CEMIP2: variants seen among roughly 807,000 people sequenced by gnomAD.
CEMIP2 encodes the protein cell migration inducing hyaluronidase 2, also known as cell surface hyaluronidase CEMIP2.
Under a neutral mutation model 146.9 loss-of-function variants are expected in CEMIP2, and 79 were observed. That is an observed-to-expected ratio of 0.54 (90% confidence interval 0.45 to 0.65). The LOEUF is 0.65. Among genes scored for constraint, CEMIP2 ranks in the 30% least tolerant of loss-of-function variants. The pLI, the probability that CEMIP2 is intolerant of heterozygous loss-of-function variation, is 0.00. For missense variants in CEMIP2, 1,596 were observed against 1,696.2 expected (o/e 0.94, Z 1.04); for synonymous variants, 601 against 606.3 (o/e 0.99, Z 0.13).
chr9:71,719,288 C>T (rs1168909571), intron 12 of CEMIP2, among the ~76,000 whole-genome samples: 3 of 152,062 alleles, frequency 2.0e-5, no homozygotes, highest in South Asian at 4.1e-4. Flanking sequence ...AGGCAGCTAT[C>T]GAGAGAAAAT....
In CEMIP2 at chr9:71,683,548, AC is replaced by A. The variant is rs1202163435; in HGVS notation, c.*1648del. Reference sequence around the variant, plus strand: ...CACACACACACACACACACACACACACACTCTAATGACCTTCAGGAACCATA... The same window carrying A: ...CACACACACACACACACACACACACAACTCTAATGACCTTCAGGAACCATA... On this transcript the variant is annotated 3_prime_UTR_variant, in exon 24 of 24. Transcript: ENST00000377044. 223 of 72,116 alleles carry A rather than the reference AC, an allele frequency of 3.1e-3. 3 individuals are homozygous for A. The highest frequency in any genetic ancestry group is 0.014 in the African/African-American group (204 of 14,706). 4.5% of individuals were successfully genotyped at this position (72,116 alleles called of 1,614,324 possible).
At chr9:71,728,249 A>ACG (rs1352816848) in intron 10 of CEMIP2, among the ~76,000 whole-genome samples, 10 of 40,180 alleles carry the variant, frequency 2.5e-4, no homozygotes, top group South Asian at 2.0e-3. Context: ...ATATATATAT[A>ACG]TGTATATACA....
At chr9:71,697,822 G>T in intron 20 of CEMIP2, 163 bp downstream of exon 20, 2 of 631,462 alleles carry the variant, frequency 3.2e-6, no homozygotes, top group Non-Finnish European at 5.4e-6. Context: ...GAACTAGTTT[G>T]CTTCTTACGC....
At chr9:71,755,708 G>A (rs965312062) in intron 1 of CEMIP2, among the ~76,000 whole-genome samples, 1 of 151,916 alleles carries the variant, frequency 6.6e-6, no homozygotes, top group African/African-American at 2.4e-5. Flanking sequence ...TGTAATCCCA[G>A]CACTTTGAGA....
Position 71,684,984 on chromosome 9 carries a change from T to C in CEMIP2, c.*213A>G, listed in dbSNP as rs1345804391. On this transcript the variant is annotated 3_prime_UTR_variant, in exon 24 of 24. Transcript: ENST00000377044. ...ATCTGCTCTCTGAATACACCAGCCT[T>C]ACAAATACAAACAACGTCTTTAACA... 1 of 491,744 alleles carries C rather than the reference T, an allele frequency of 2.0e-6. No individual in the cohort carries two copies. 30.5% of individuals were successfully genotyped at this position (491,744 alleles called of 1,614,324 possible).
intron 9 of CEMIP2, 63 bp downstream of exon 9, chr9:71,729,985 A>G (rs745528116): frequency 2.5e-6 from 4 of 1,613,048 alleles, no homozygotes; most frequent in Non-Finnish European, 3.4e-6. Flanking sequence ...ACTTCCCCCA[A>G]AACCTCTTCC....
chr9:71,697,345 T>C (rs1822431385), intron 20 of CEMIP2, among the ~76,000 whole-genome samples: 1 of 152,226 alleles, frequency 6.6e-6, no homozygotes, highest in Non-Finnish European at 1.5e-5. Context: ...CCAATTTTAG[T>C]TCATATTTTG....
At chr9:71,737,041 A>C (rs1471117109) in intron 5 of CEMIP2, among the ~76,000 whole-genome samples, 2 of 150,846 alleles carry the variant, frequency 1.3e-5, no homozygotes, top group Non-Finnish European at 3.0e-5. Context: ...GTGGTGGTGC[A>C]TGCCTGTACT....
intron 12 of CEMIP2, among the ~76,000 whole-genome samples, chr9:71,719,842 C>CAAACAAAAAAA (rs1823181223): frequency 1.1e-5 from 1 of 93,196 alleles, no homozygotes; most frequent in Non-Finnish European, 2.0e-5. Flanking sequence ...TAAACGAAAG[C>CAAACAAAAAAA]AAAAAAAAAA....
chr9:71,746,059 C>T, intron 3 of CEMIP2, 142 bp downstream of exon 3: 1 of 939,512 alleles, frequency 1.1e-6, no homozygotes, highest in Non-Finnish European at 1.5e-6. Flanking sequence ...ATCTCATGAT[C>T]TTTCCAAATC....
chr9:71,744,478 T>C (rs1328647242), intron 4 of CEMIP2, among the ~76,000 whole-genome samples: 2 of 152,174 alleles, frequency 1.3e-5, no homozygotes, highest in Admixed American at 6.5e-5. Context: ...TCCTTCCTCA[T>C]ATATGCCAGG....
chr9:71,739,938 A>G (rs1006081945), intron 5 of CEMIP2, 125 bp downstream of exon 5: 4 of 909,120 alleles, frequency 4.4e-6, no homozygotes, highest in Non-Finnish European at 6.4e-6. Context: ...CTAAGTTTCA[A>G]CTTCAACTAG....
intron 11 of CEMIP2, among the ~76,000 whole-genome samples, chr9:71,723,514 T>A (rs1167259955): frequency 6.6e-6 from 1 of 152,166 alleles, no homozygotes; most frequent in Non-Finnish European, 1.5e-5. Flanking sequence ...ATTGATAAAA[T>A]TCTGTGGGTG....
At chr9:71,725,998 A>G (rs1304711568) in intron 10 of CEMIP2, among the ~76,000 whole-genome samples, 1 of 152,226 alleles carries the variant, frequency 6.6e-6, no homozygotes, top group Non-Finnish European at 1.5e-5. Flanking sequence ...ATCTACGTTA[A>G]AAGTTATGCA....
chr9:71,744,838 G>C (rs1824027262), intron 4 of CEMIP2, among the ~76,000 whole-genome samples, 180 bp downstream of exon 4: 1 of 152,154 alleles, frequency 6.6e-6, no homozygotes, highest in Admixed American at 6.5e-5. Flanking sequence ...AATGAAAATA[G>C]CTTTTGTATG....
intron 17 of CEMIP2, 162 bp from the exon 18 acceptor site, chr9:71,704,965 A>G: frequency 1.6e-6 from 1 of 628,974 alleles, no homozygotes; most frequent in South Asian, 2.0e-5. Flanking sequence ...AGCCACTTAT[A>G]GTGCAGCCTA....
chr9:71,734,368 C>T (rs568718573), intron 6 of CEMIP2, among the ~76,000 whole-genome samples: 10 of 152,000 alleles, frequency 6.6e-5, no homozygotes, highest in South Asian at 2.1e-4. Flanking sequence ...GGGGAGGCAG[C>T]GGGAGGGAAA....
intron 10 of CEMIP2, among the ~76,000 whole-genome samples, chr9:71,728,225 C>CTATATA (rs1377513489): frequency 6.0e-4 from 12 of 19,910 alleles, no homozygotes; most frequent in Admixed American, 2.3e-3. Context: ...CTCTCTCTCT[C>CTATATA]TCTCTCTATA....
At chr9:71,712,352 G>C in intron 15 of CEMIP2, 92 bp from the exon 16 acceptor site, 1 of 1,297,426 alleles carries the variant, frequency 7.7e-7, no homozygotes, top group Admixed American at 2.1e-5. Context: ...TAAATATCCG[G>C]TATGAACTAA....
Sources: gnomAD v4.1 joint callset for allele counts (sites outside exome capture counted in the v4.1 genomes callset) on GRCh38, gnomAD v4.1.1 for gene constraint, MANE v1.5 for transcripts, NCBI Gene and HGNC (gene_info 2026-07-23, HGNC 2026-07-21) for gene names.